Variants in EHBP1 observed in about 807,000 individuals in gnomAD.
The protein encoded by EHBP1 is EH domain-binding protein 1.
A neutral mutation model predicts 144.0 loss-of-function variants in EHBP1; 55 were observed. The ratio of observed to expected loss-of-function variants is 0.38; its 90% confidence interval spans 0.31 to 0.48. EHBP1 has a LOEUF of 0.48. Ranked by LOEUF, EHBP1 falls within the 20% of genes least tolerant of loss-of-function variation. The pLI is 0.98. For synonymous variants in EHBP1, 469 were observed against 472.7 expected, an observed-to-expected ratio of 0.99 and a Z score of 0.10; for missense variants, 1,200 against 1,364.2, an observed-to-expected ratio of 0.88 and a Z score of 1.90.
In EHBP1 at chr2:62,691,855, A is replaced by C. The variant is rs2033916952; in HGVS notation, c.-295-15042A>C. Among the ~76,000 whole-genome samples the C allele has an allele frequency of 2.0e-5, 3 of 152,066 alleles. No individual in the cohort carries two copies. In the South Asian group the frequency reaches 6.2e-4, roughly 32 times the overall value. ...CAGTTTTCTTGTGACTTTTAGTAAA[A>C]TGTGGCTGCAGTGGTTTCTTTCTAT... On this transcript the variant is annotated intron_variant, in intron 1 of 22. Coordinates refer to the EHBP1 transcript ENST00000405015.
intron 10 of EHBP1, among the ~76,000 whole-genome samples, chr2:62,931,955 C>T (rs965389242): frequency 1.3e-5 from 2 of 151,858 alleles, no homozygotes; most frequent in Non-Finnish European, 2.9e-5. Context: ...AAGGTGGGAG[C>T]ATCAGTCAGT....
At chr2:62,692,496 C>T (rs1352686927) in intron 1 of EHBP1, among the ~76,000 whole-genome samples, 1 of 152,180 alleles carries the variant, frequency 6.6e-6, no homozygotes, top group East Asian at 1.9e-4. Flanking sequence ...ATCTTGCCAG[C>T]AAGGTATGAG....
At chr2:62,712,686 G>A (rs1360772018) in intron 2 of EHBP1, among the ~76,000 whole-genome samples, 3 of 152,168 alleles carry the variant, frequency 2.0e-5, no homozygotes, top group Non-Finnish European at 2.9e-5. Context: ...AGGTAAGTAC[G>A]TGAAAGATGG....
At chr2:62,797,841 A>C (rs1350548086) in intron 5 of EHBP1, among the ~76,000 whole-genome samples, 1 of 152,236 alleles carries the variant, frequency 6.6e-6, no homozygotes, top group Admixed American at 6.5e-5. Flanking sequence ...TTCATCTGTA[A>C]ACAGGGGTAA....
At position 62,990,794 on chromosome 2, in the gene EHBP1, G is replaced by T; in HGVS notation, c.2687G>T (p.Ser896Ile). Reference sequence around the variant, plus strand: ...CCACAGGTGGCAAATTCACCCTCCAGTGCTGCCCAGAAAGCTGTAACTGAG... The same window carrying T: ...CCACAGGTGGCAAATTCACCCTCCATTGCTGCCCAGAAAGCTGTAACTGAG... ...VQPQVANSPS[S>I]AAQKAVTESS... Residue 896 changes from serine to isoleucine, a missense_variant, in exon 16 of 23, where the codon AGT (serine) becomes ATT (isoleucine). This residue lies in a region of EHBP1 where 543 missense variants were observed against 513.1 expected (regional missense o/e 1.06). Coordinates refer to ENST00000431489, the MANE Select transcript of EHBP1 (RefSeq NM_001142616.3). The T allele has an allele frequency of 6.2e-7, 1 of 1,613,890 alleles. No homozygotes were observed. Among genetic ancestry groups the T allele is most frequent in the Non-Finnish European group, 8.5e-7 (1 of 1,179,848 alleles).
At chr2:62,901,845 G>A (rs1196004105) in intron 10 of EHBP1, among the ~76,000 whole-genome samples, 3 of 151,634 alleles carry the variant, frequency 2.0e-5, no homozygotes, top group African/African-American at 4.9e-5. Context: ...GATTCCTGAC[G>A]TCCCAGCTGC....
intron 14 of EHBP1, among the ~76,000 whole-genome samples, chr2:62,960,502 C>T (rs1471456362): frequency 6.6e-6 from 1 of 152,150 alleles, no homozygotes. Flanking sequence ...CCGTAGCATG[C>T]ATTCATCCCA....
chr2:62,686,683 G>A (rs2033729213), intron 1 of EHBP1, among the ~76,000 whole-genome samples: 1 of 151,910 alleles, frequency 6.6e-6, no homozygotes, highest in Admixed American at 6.6e-5. Flanking sequence ...AAAAGGACTG[G>A]GTATCGCTTG....
At chr2:62,848,776 C>G (rs2048478275) in intron 7 of EHBP1, among the ~76,000 whole-genome samples, 1 of 152,146 alleles carries the variant, frequency 6.6e-6, no homozygotes. Flanking sequence ...TGGGGATTGA[C>G]TGAAAAGAGG....
intron 3 of EHBP1, among the ~76,000 whole-genome samples, chr2:62,755,949 C>A (rs1349416967): frequency 6.6e-6 from 1 of 151,562 alleles, no homozygotes. Flanking sequence ...AAATGAGAAA[C>A]ATAAGGAAAT....
In EHBP1 at chr2:62,835,698, G is replaced by T. The variant is rs575075061; in HGVS notation, c.634+4540G>T. 1.5e-3 allele frequency among the ~76,000 whole-genome samples: 224 copies of T among 152,326 alleles called. 1 individual carries two copies. Among genetic ancestry groups the T allele is most frequent in the Non-Finnish European group, 2.5e-3 (168 of 68,018 alleles). ...CACCTGGGAAGCGCAAGGGGTCAGG[G>T]AGTTCCCTTTCCGAGTCAAAGAAAG... On this transcript the variant is annotated intron_variant, in intron 7 of 22. Transcript: ENST00000431489.
intron 19 of EHBP1, among the ~76,000 whole-genome samples, chr2:63,017,612 T>C (rs2060537392): frequency 1.3e-5 from 2 of 152,176 alleles, no homozygotes; most frequent in African/African-American, 4.8e-5. Flanking sequence ...ATTATTTATA[T>C]AATCTTTTTA....
chr2:62,965,080 T>C (rs1317193815), intron 14 of EHBP1: 2 of 152,650 alleles, frequency 1.3e-5, no homozygotes, highest in African/African-American at 2.4e-5. Context: ...ATTAGTTTAA[T>C]TGGTCTTTGT....
At chr2:62,912,397 C>CAA (rs939760310) in intron 10 of EHBP1, among the ~76,000 whole-genome samples, 2 of 151,900 alleles carry the variant, frequency 1.3e-5, no homozygotes, top group Non-Finnish European at 2.9e-5. Context: ...ACTAAAAATA[C>CAA]AAAAATTAGC....
At chr2:62,676,400 A>G (rs2033296302) in intron 1 of EHBP1, among the ~76,000 whole-genome samples, 1 of 152,230 alleles carries the variant, frequency 6.6e-6, no homozygotes, top group South Asian at 2.1e-4. Context: ...ATTGTGCTTT[A>G]TTTCACAAAC....
Position 62,949,123 on chromosome 2 carries a change from C to T in EHBP1, c.2277C>T (p.Thr759=). 6.4e-7 allele frequency: 1 copy of T among 1,574,756 alleles called. No homozygotes were observed. Among genetic ancestry groups the T allele is most frequent in the Non-Finnish European group, 8.6e-7 (1 of 1,167,390 alleles). ...QTESDPDADR[T]TLNHADHSSK... is the part of the protein sequence containing the mutation. ...AGTCTGATCCAGATGCTGATAGAACCACTTTAAATCATGCAGATCATTCAT... is the reference window on the plus strand; with the variant it reads ...AGTCTGATCCAGATGCTGATAGAACTACTTTAAATCATGCAGATCATTCAT... Residue 759 remains threonine (T), a synonymous_variant, in exon 13 of 23, where the codon ACC becomes ACT. Transcript: ENST00000431489.
intron 7 of EHBP1, among the ~76,000 whole-genome samples, chr2:62,842,428 G>A (rs1235484668): frequency 6.6e-6 from 1 of 152,158 alleles, no homozygotes; most frequent in Non-Finnish European, 1.5e-5. Flanking sequence ...CACGAGGGCA[G>A]ATCCCTCATG....
Position 62,844,661 on chromosome 2 carries a change from C to G in EHBP1, c.634+13503C>G, listed in dbSNP as rs187920584. On this transcript the variant is annotated intron_variant, in intron 7 of 22. Coordinates refer to ENST00000431489, the MANE Select transcript of EHBP1 (RefSeq NM_001142616.3). Reference sequence around the variant, plus strand: ...CCAACAGGAAGAAAAATAAAGACCCCTGTATTGTAAAGACAAGGCCCTGAT... The same window carrying G: ...CCAACAGGAAGAAAAATAAAGACCCGTGTATTGTAAAGACAAGGCCCTGAT... 2.0e-4 allele frequency among the ~76,000 whole-genome samples: 30 copies of G among 152,226 alleles called. 1 individual carries two copies. Among genetic ancestry groups the G allele is most frequent in the Admixed American group, 1.7e-3 (26 of 15,278 alleles).
At chr2:62,849,593 A>C (rs937441986) in intron 7 of EHBP1, among the ~76,000 whole-genome samples, 3 of 152,212 alleles carry the variant, frequency 2.0e-5, no homozygotes, top group African/African-American at 7.2e-5. Context: ...GCATAGACAT[A>C]GAGATAGATA....
Sources: allele counts gnomAD v4.1 joint callset (sites outside exome capture counted in the v4.1 genomes callset), GRCh38; gene constraint gnomAD v4.1.1; regional missense constraint gnomAD v4.1.1; transcripts MANE v1.5; gene names NCBI Gene and HGNC (gene_info 2026-07-23, HGNC 2026-07-21).